Variants in FGGY observed in about 807,000 individuals in gnomAD.
The protein encoded by FGGY is FGGY carbohydrate kinase domain-containing protein.
FGGY carries 72 observed loss-of-function variants against 71.3 expected under a neutral mutation model. The observed-to-expected ratio is 1.01, with a 90% CI of 0.84 to 1.23. The LOEUF is 1.23. FGGY is among the 50% of genes most tolerant of loss of function. The pLI, the probability that FGGY is intolerant of heterozygous loss-of-function variation, is 0.00. For synonymous variants in FGGY, 251 were observed against 250.3 expected, an observed-to-expected ratio of 1.00 and a Z score of -0.02; for missense variants, 668 against 682.3, an observed-to-expected ratio of 0.98 and a Z score of 0.23.
intron 9 of FGGY, among the ~76,000 whole-genome samples, chr1:59,613,616 A>C (rs1383975002): frequency 6.6e-6 from 1 of 152,208 alleles, no homozygotes; most frequent in East Asian, 1.9e-4. Flanking sequence ...ACACATTCAA[A>C]AGCTAGCAGA....
At chr1:59,599,305 T>C (rs1164511195) in intron 8 of FGGY, among the ~76,000 whole-genome samples, 1 of 150,670 alleles carries the variant, frequency 6.6e-6, no homozygotes, top group African/African-American at 2.4e-5. Context: ...GGTTTCACCA[T>C]GTCAGCCAGG....
intron 6 of FGGY, among the ~76,000 whole-genome samples, chr1:59,483,304 GA>G (rs2153571232): frequency 6.6e-6 from 1 of 152,236 alleles, no homozygotes; most frequent in South Asian, 2.1e-4. Flanking sequence ...TCATTTGCCA[GA>G]CTAATATTTA....
chr1:59,746,003 C>G (rs2098194038), intron 14 of FGGY, among the ~76,000 whole-genome samples: 1 of 152,016 alleles, frequency 6.6e-6, no homozygotes, highest in Non-Finnish European at 1.5e-5. Flanking sequence ...AGATGAAGGT[C>G]CCGGAGGTGG....
chr1:59,582,995 C>T (rs2096222710), intron 8 of FGGY, among the ~76,000 whole-genome samples: 1 of 115,852 alleles, frequency 8.6e-6, no homozygotes, highest in African/African-American at 3.4e-5. Context: ...CAGATGTGTA[C>T]TGGTGTCTGT....
intron 4 of FGGY, among the ~76,000 whole-genome samples, chr1:59,369,241 C>T (rs964274098): frequency 2.0e-4 from 31 of 152,194 alleles, no homozygotes; most frequent in Non-Finnish European, 3.5e-4. Flanking sequence ...GCTTAAAAAA[C>T]GGCGCACCAG....
chr1:59,749,276 G>C lies in FGGY; in HGVS notation c.1513-8655G>C, dbSNP rs74954572. 5.5e-3 allele frequency among the ~76,000 whole-genome samples: 836 copies of C among 152,260 alleles called. 14 individuals are homozygous for C. Among genetic ancestry groups the C allele is most frequent in the African/African-American group, 0.019 (797 of 41,544 alleles). On this transcript the variant is annotated intron_variant, in intron 14 of 15. Coordinates refer to ENST00000303721, the MANE Select transcript of FGGY (RefSeq NM_018291.5). ...GATTCTAGCAAATTATCAAGCCTTG[G>C]GGGGTGGAGTTTGTGGAAACCTCCA...
intron 14 of FGGY, among the ~76,000 whole-genome samples, chr1:59,713,656 T>C (rs2097818679): frequency 6.6e-6 from 1 of 152,222 alleles, no homozygotes; most frequent in African/African-American, 2.4e-5. Context: ...TTGTTTAAAG[T>C]CCTTATATAA....
At chr1:59,505,594 A>G (rs745975733) in intron 6 of FGGY, among the ~76,000 whole-genome samples, 30 of 152,158 alleles carry the variant, frequency 2.0e-4, no homozygotes, top group Admixed American at 4.6e-4. Context: ...TGACATTTCC[A>G]TGGGCCTGGA....
chr1:59,688,953 T>C (rs2097567398), intron 14 of FGGY, among the ~76,000 whole-genome samples: 1 of 152,152 alleles, frequency 6.6e-6, no homozygotes, highest in South Asian at 2.1e-4. Flanking sequence ...TTTCACCATA[T>C]TGGCCAGGCT....
At chr1:59,599,686 CAAA>C (rs76397509) in intron 8 of FGGY, among the ~76,000 whole-genome samples, 3 of 49,446 alleles carry the variant, frequency 6.1e-5, no homozygotes, top group Admixed American at 2.3e-4. Context: ...GAGCAAGACT[CAAA>C]AAAAAAAAAA....
chr1:59,335,773 C>A (rs2049365622), intron 2 of FGGY, among the ~76,000 whole-genome samples: 1 of 152,124 alleles, frequency 6.6e-6, no homozygotes, highest in Non-Finnish European at 1.5e-5. Context: ...ATGATTTGAG[C>A]ACTTTTTCAT....
chr1:59,340,057 G>A lies in FGGY; in HGVS notation c.301G>A (p.Val101Ile). Residue 101 changes from valine (V) to isoleucine (I), a missense_variant, in exon 3 of 16, where the codon GTC (valine) becomes ATC (isoleucine). By Grantham distance (29) the Val-to-Ile change is conservative. Coordinates refer to ENST00000303721, the MANE Select transcript of FGGY (RefSeq NM_018291.5). ...VLDKQFHPLP[V>I]NQEGDSHRNV... ...GGATAAGCAGTTTCACCCATTACCA[G>A]TCAACCAGGAAGGTAAGACCATGTC... 2.5e-6 allele frequency: 4 copies of A among 1,611,234 alleles called. No homozygotes were observed. Among genetic ancestry groups the A allele is most frequent in the Non-Finnish European group, 3.4e-6 (4 of 1,178,382 alleles).
chr1:59,336,364 A>G (rs1640710604), intron 2 of FGGY, among the ~76,000 whole-genome samples: 1 of 152,114 alleles, frequency 6.6e-6, no homozygotes, highest in Admixed American at 6.6e-5. Context: ...AAACTTAGGA[A>G]TGCTAGTTTT....
At chr1:59,717,212 C>A (rs557958781) in intron 14 of FGGY, among the ~76,000 whole-genome samples, 8 of 152,214 alleles carry the variant, frequency 5.3e-5, no homozygotes, top group Admixed American at 3.3e-4. Context: ...TGTGTTGTTA[C>A]GTTCTTCCTT....
chr1:59,400,399 C>T (rs1040071135), intron 5 of FGGY, among the ~76,000 whole-genome samples: 9 of 152,190 alleles, frequency 5.9e-5, no homozygotes, highest in Admixed American at 2.0e-4. Context: ...GACATGACTT[C>T]TCACCTGAAT....
intron 11 of FGGY, among the ~76,000 whole-genome samples, chr1:59,651,063 G>A (rs1307260457): frequency 6.6e-6 from 1 of 151,528 alleles, no homozygotes; most frequent in Admixed American, 6.5e-5. Flanking sequence ...GAGCAGCTTT[G>A]AGTGAGATTC....
intron 9 of FGGY, among the ~76,000 whole-genome samples, chr1:59,610,013 T>C (rs191493155): frequency 6.6e-6 from 1 of 152,358 alleles, no homozygotes; most frequent in African/African-American, 2.4e-5. Flanking sequence ...TACAGTACAG[T>C]AGAAATGCAG....
At chr1:59,415,391 C>G (rs957202893) in intron 5 of FGGY, among the ~76,000 whole-genome samples, 17 of 152,220 alleles carry the variant, frequency 1.1e-4, no homozygotes, top group Admixed American at 2.6e-4. Flanking sequence ...CATCAGAAAA[C>G]CAGACATCCA....
intron 8 of FGGY, among the ~76,000 whole-genome samples, chr1:59,558,715 A>G (rs1024765124): frequency 4.6e-5 from 7 of 152,104 alleles, no homozygotes; most frequent in Non-Finnish European, 8.8e-5. Flanking sequence ...CCTCAAATTT[A>G]CCAGGGTGGG....
Sources: allele counts gnomAD v4.1 joint callset (sites outside exome capture counted in the v4.1 genomes callset), GRCh38; gene constraint gnomAD v4.1.1; transcripts MANE v1.5; gene names NCBI Gene and HGNC (gene_info 2026-07-23, HGNC 2026-07-21).